Variants in CTNNBL1 observed in about 807,000 individuals in gnomAD.
CTNNBL1 encodes catenin beta like 1, also known as beta-catenin-like protein 1.
CTNNBL1 carries 31 observed loss-of-function variants against 72.7 expected under a neutral mutation model. The ratio of observed to expected loss-of-function variants is 0.43; its 90% CI spans 0.32 to 0.58. The LOEUF (loss-of-function observed/expected upper bound fraction) is 0.58. CTNNBL1 is among the 20% of genes least tolerant of loss of function. The pLI is 0.08. For missense variants in CTNNBL1, 534 were observed against 725.1 expected (o/e 0.74, Z 3.03); for synonymous variants, 240 against 267.3 (o/e 0.90, Z 1.00).
At chr20:37,694,329 T>C (rs2072769970) in intron 1 of CTNNBL1, among the ~76,000 whole-genome samples, 177 bp downstream of exon 1, 1 of 152,206 alleles carries the variant, frequency 6.6e-6, no homozygotes, top group Non-Finnish European at 1.5e-5. Flanking sequence ...CTGGGCCCTT[T>C]CGATTCATCC....
chr20:37,706,652 G>T (rs1421999056), intron 1 of CTNNBL1, among the ~76,000 whole-genome samples: 1 of 152,134 alleles, frequency 6.6e-6, no homozygotes, highest in Admixed American at 6.5e-5. Context: ...CATCCACGAG[G>T]ATTGGAATCA....
intron 11 of CTNNBL1, among the ~76,000 whole-genome samples, chr20:37,806,865 G>T (rs1354322793): frequency 1.3e-5 from 2 of 152,130 alleles, no homozygotes; most frequent in Admixed American, 6.5e-5. Flanking sequence ...ACAAGAGTGT[G>T]TTTTTTTCTT....
intron 11 of CTNNBL1, among the ~76,000 whole-genome samples, chr20:37,838,983 T>C (rs1283031952): frequency 6.6e-6 from 1 of 152,188 alleles, no homozygotes; most frequent in South Asian, 2.1e-4. Flanking sequence ...AGGACAGGAC[T>C]GACCTATAGG....
intron 1 of CTNNBL1, among the ~76,000 whole-genome samples, chr20:37,712,971 GT>G (rs1230960696): frequency 6.6e-6 from 1 of 152,198 alleles, no homozygotes; most frequent in African/African-American, 2.4e-5. Flanking sequence ...GACCTGGGCA[GT>G]TTTTATAAGA....
In CTNNBL1 at chr20:37,728,343, A is replaced by G. The variant is rs1453204166; in HGVS notation, c.31-4536A>G. ...GTATGTTAGATTAAATAAACATATT[A>G]TTACCTGTTTCTTTTTAAATGTGGC... On this transcript the variant is annotated intron_variant, in intron 1 of 15. Transcript: ENST00000361383. Among the ~76,000 whole-genome samples the G allele has an allele frequency of 2.0e-5, 3 of 152,366 alleles. No individual in the cohort carries two copies. The East Asian group carries it at 5.8e-4, about 29-fold the overall frequency.
intron 11 of CTNNBL1, among the ~76,000 whole-genome samples, chr20:37,805,479 C>G (rs2071949948): frequency 6.7e-6 from 1 of 149,034 alleles, no homozygotes; most frequent in Non-Finnish European, 1.5e-5. Flanking sequence ...TCACTGCAGC[C>G]TCTGCCTCCC....
chr20:37,825,292 G>A (rs186227664), intron 11 of CTNNBL1, among the ~76,000 whole-genome samples: 16 of 152,300 alleles, frequency 1.1e-4, no homozygotes, highest in African/African-American at 3.6e-4. Flanking sequence ...GGTGGAAGTT[G>A]TAGTGAGCTG....
At position 37,802,974 on chromosome 20, in the gene CTNNBL1, G is replaced by A; in HGVS notation, c.1139G>A (p.Arg380Gln). Residue 380 changes from arginine to glutamine, a missense_variant, in exon 11 of 16, where the codon CGA becomes CAA. Physicochemically the swap from Arg to Gln is conservative, Grantham distance 43. Transcript: ENST00000361383. The part of the protein sequence containing the change: ...CHKFVDILGL[R>Q]TIFPLFMKSP... ...AAGTTTGTTGACATTCTTGGCTTAC[G>A]AACCATCTTTCCCCTCTTTATGAAA... 1 of 1,614,070 alleles carries A rather than the reference G, an allele frequency of 6.2e-7. No individual in the cohort carries two copies. Among genetic ancestry groups the A allele is most frequent in the South Asian group, 1.1e-5 (1 of 91,080 alleles).
At chr20:37,866,742 A>G (rs976922446) in intron 15 of CTNNBL1, among the ~76,000 whole-genome samples, 1 of 152,194 alleles carries the variant, frequency 6.6e-6, no homozygotes, top group Admixed American at 6.5e-5. Flanking sequence ...AACACCTAAA[A>G]TAAATATTGC....
At chr20:37,808,903 C>G (rs1306015072) in intron 11 of CTNNBL1, among the ~76,000 whole-genome samples, 1 of 152,040 alleles carries the variant, frequency 6.6e-6, no homozygotes, top group East Asian at 1.9e-4. Flanking sequence ...TCCCCACCAC[C>G]CACTGTGGAA....
At chr20:37,717,124 A>G (rs1416223139) in intron 1 of CTNNBL1, among the ~76,000 whole-genome samples, 2 of 151,838 alleles carry the variant, frequency 1.3e-5, no homozygotes, top group South Asian at 2.1e-4. Flanking sequence ...TCCTGTCTCT[A>G]TTCCTGGTAG....
chr20:37,704,018 C>T (rs2072865661), intron 1 of CTNNBL1, among the ~76,000 whole-genome samples: 1 of 152,098 alleles, frequency 6.6e-6, no homozygotes, highest in Non-Finnish European at 1.5e-5. Flanking sequence ...CTCAGGTGAT[C>T]CACCTGTCTC....
chr20:37,817,710 A>G (rs1481022886), intron 11 of CTNNBL1, among the ~76,000 whole-genome samples: 2 of 152,196 alleles, frequency 1.3e-5, no homozygotes, highest in South Asian at 2.1e-4. Context: ...GAGGCCTAAC[A>G]TTGTGTATTT....
At chr20:37,809,291 G>C (rs2071988709) in intron 11 of CTNNBL1, among the ~76,000 whole-genome samples, 1 of 152,220 alleles carries the variant, frequency 6.6e-6, no homozygotes, top group Non-Finnish European at 1.5e-5. Context: ...AATGCTTACA[G>C]AGGAAGACAC....
At chr20:37,831,837 A>G (rs1270009761) in intron 11 of CTNNBL1, among the ~76,000 whole-genome samples, 1 of 152,234 alleles carries the variant, frequency 6.6e-6, no homozygotes, top group African/African-American at 2.4e-5. Context: ...TATAATTATC[A>G]TAAGATTATG....
At chr20:37,856,790 T>G (rs559533277) in intron 13 of CTNNBL1, among the ~76,000 whole-genome samples, 1 of 152,200 alleles carries the variant, frequency 6.6e-6, no homozygotes, top group Non-Finnish European at 1.5e-5. Flanking sequence ...ACACTATACT[T>G]ACTTTCTGGC....
In CTNNBL1 at chr20:37,746,540, G is replaced by A. The variant is rs201471920; in HGVS notation, c.399G>A (p.Leu133=). ...EMHVVATMPD[L]YHLLVELNAV... The stretch of plus-strand genomic sequence containing the variant: ...ACGTGGTGGCCACCATGCCAGACCT[G>A]TACCACCTTCTGGTGGAGCTGAATG... The change falls in exon 4 of 16, where the codon CTG becomes CTA. Residue 133 remains leucine (L), a synonymous_variant. Coordinates refer to ENST00000361383, the MANE Select transcript of CTNNBL1 (RefSeq NM_030877.5). 49 of 1,614,114 alleles carry A rather than the reference G, an allele frequency of 3.0e-5. No homozygotes were observed. The highest frequency in any genetic ancestry group is 4.1e-5 in the Non-Finnish European group (48 of 1,180,002).
chr20:37,745,324 C>A (rs1425394528), intron 3 of CTNNBL1, among the ~76,000 whole-genome samples: 2 of 152,078 alleles, frequency 1.3e-5, no homozygotes, highest in African/African-American at 4.8e-5. Context: ...TGTTCCTTTT[C>A]TTTGTGCCCT....
intron 15 of CTNNBL1, among the ~76,000 whole-genome samples, chr20:37,868,274 C>G (rs1323381691): frequency 1.5e-5 from 2 of 133,600 alleles, no homozygotes; most frequent in Non-Finnish European, 3.2e-5. Flanking sequence ...CGGCCCCCTC[C>G]CAGTGGTTTT....
Sources: allele counts gnomAD v4.1 joint callset (sites outside exome capture counted in the v4.1 genomes callset), GRCh38; gene constraint gnomAD v4.1.1; transcripts MANE v1.5; gene names NCBI Gene and HGNC (gene_info 2026-07-23, HGNC 2026-07-21).